Variants in CSNK1G2 observed in about 807,000 individuals in gnomAD.
CSNK1G2 encodes casein kinase I isoform gamma-2.
Under a neutral mutation model 48.0 loss-of-function variants are expected in CSNK1G2, and 11 were observed. That is an observed-to-expected ratio of 0.23 (90% CI 0.14 to 0.38). CSNK1G2 has a LOEUF of 0.38. Ranked by LOEUF, CSNK1G2 falls within the 10% of genes least tolerant of loss-of-function variation. The probability of loss-of-function intolerance (pLI) is 1.00; values close to 1 mark genes in which losing one functional copy is unlikely to be tolerated. For synonymous variants in CSNK1G2, 337 were observed against 254.1 expected (o/e 1.33, Z -3.10); for missense variants, 446 against 595.5 (o/e 0.75, Z 2.61).
chr19:1,979,432 GC>G, intron 8 of CSNK1G2, 29 bp downstream of exon 8: 1 of 1,466,516 alleles, frequency 6.8e-7, no homozygotes, highest in African/African-American at 1.6e-5. Flanking sequence ...CCCGCCCTGT[GC>G]CCCCCACCCC....
chr19:1,955,747 CGGA>C (rs2014972559), intron 1 of CSNK1G2, among the ~76,000 whole-genome samples: 1 of 152,136 alleles, frequency 6.6e-6, no homozygotes, highest in African/African-American at 2.4e-5. Context: ...CTGCTGTCAC[CGGA>C]GGAGGCTGCT....
At chr19:1,947,835 C>A (rs1205524886) in intron 1 of CSNK1G2, among the ~76,000 whole-genome samples, 1 of 152,210 alleles carries the variant, frequency 6.6e-6, no homozygotes, top group Non-Finnish European at 1.5e-5. Flanking sequence ...GTGGGGCTCG[C>A]TGCCTGAGCC....
intron 2 of CSNK1G2, chr19:1,975,053 C>G: frequency 1.0e-6 from 1 of 985,376 alleles, no homozygotes; most frequent in Non-Finnish European, 1.2e-6. Context: ...ACACCCAGGT[C>G]TCTGACACGC....
At chr19:1,949,457 G>A (rs2014685120) in intron 1 of CSNK1G2, among the ~76,000 whole-genome samples, 1 of 152,244 alleles carries the variant, frequency 6.6e-6, no homozygotes, top group Non-Finnish European at 1.5e-5. Flanking sequence ...GTGCATCCGC[G>A]CCATGGCCCG....
At chr19:1,979,681 C>T (rs1487309980) in intron 9 of CSNK1G2, 38 bp downstream of exon 9, 8 of 1,601,282 alleles carry the variant, frequency 5.0e-6, no homozygotes, top group East Asian at 2.2e-5. Flanking sequence ...AGCGGGGGAC[C>T]GGGAAACTGC....
chr19:1,961,678 G>A (rs1406667312), intron 1 of CSNK1G2, among the ~76,000 whole-genome samples: 7 of 152,222 alleles, frequency 4.6e-5, no homozygotes, highest in Non-Finnish European at 1.0e-4. Context: ...GGGGGACTAC[G>A]TCTCACAGAT....
intron 1 of CSNK1G2, among the ~76,000 whole-genome samples, chr19:1,942,092 G>C (rs2014388113): frequency 6.6e-6 from 1 of 152,172 alleles, no homozygotes; most frequent in Non-Finnish European, 1.5e-5. Context: ...CTGATCCGCA[G>C]GGACCTGTTG....
intron 1 of CSNK1G2, among the ~76,000 whole-genome samples, chr19:1,968,355 G>GCTCCTCC (rs1296546443): frequency 6.7e-6 from 1 of 149,928 alleles, no homozygotes. Flanking sequence ...TGCAGGTGGG[G>GCTCCTCC]CTCCTCCCTC....
chr19:1,959,831 C>G (rs12986158), intron 1 of CSNK1G2, among the ~76,000 whole-genome samples: 6 of 113,394 alleles, frequency 5.3e-5, no homozygotes, highest in Admixed American at 8.9e-5. Context: ...TAGTACCACC[C>G]TGAGTCCCCC....
In CSNK1G2 at chr19:1,979,453, A is replaced by ACCCC. The variant is rs771350553; in HGVS notation, c.854-40_854-37dup. 823 of 361,796 alleles carry ACCCC rather than the reference A, an allele frequency of 2.3e-3. 8 individuals are homozygous for ACCCC. The East Asian group carries it at 0.043, about 19-fold the overall frequency. 22.4% of individuals were successfully genotyped at this position (361,796 alleles called of 1,614,324 possible). ...CTGTGCCCCCCACCCCCCACCCCCC[A>ACCCC]CCCCCACCCCCGCCGAGGCCCCGCT... On this transcript the variant is annotated intron_variant, in intron 8 of 11. Coordinates refer to ENST00000255641, the MANE Select transcript of CSNK1G2 (RefSeq NM_001319.7).
Position 1,978,716 on chromosome 19 carries a change from C to G in CSNK1G2, c.413C>G (p.Thr138Arg). The stretch of plus-strand genomic sequence containing the variant: ...TTCGACCTGTGCGACCGGACCTTCA[C>G]GCTCAAGACGGTGCTGATGATCGCC... ...DLFDLCDRTF[T>R]LKTVLMIAIQ... The change falls in exon 5 of 12, where the codon ACG (threonine) becomes AGG (arginine). Residue 138 changes from threonine to arginine, a missense_variant. Transcript: ENST00000255641. The surrounding 1 kb of genome is among the most constrained non-coding windows in gnomAD (Gnocchi z 7.3). The G allele has an allele frequency of 1.9e-6, 3 of 1,599,848 alleles. No homozygotes were observed. The highest frequency in any genetic ancestry group is 2.6e-6 in the Non-Finnish European group (3 of 1,173,600).
At chr19:1,943,164 G>A (rs898185560) in intron 1 of CSNK1G2, among the ~76,000 whole-genome samples, 2 of 152,216 alleles carry the variant, frequency 1.3e-5, no homozygotes, top group African/African-American at 4.8e-5. Flanking sequence ...GATGTTGGAG[G>A]AGCTGGCTCT....
At chr19:1,954,375 G>A (rs543058010) in intron 1 of CSNK1G2, 159 of 193,176 alleles carry the variant, frequency 8.2e-4, no homozygotes, top group Non-Finnish European at 1.5e-3. Context: ...GGGGTGGCAG[G>A]GAACCGAGCC....
chr19:1,979,016 A>G lies in CSNK1G2; in HGVS notation c.605A>G (p.Lys202Arg). The G allele has an allele frequency of 6.3e-7, 1 of 1,598,300 alleles. No individual in the cohort carries two copies. ...AKEYIDPETK[K>R]HIPYREHKSL... is the part of the protein sequence containing the mutation. ...GAGTACATCGACCCCGAGACCAAGA[A>G]GCACATCCCGTACCGCGAGCACAAG... Residue 202 changes from lysine (K) to arginine (R), a missense_variant, in exon 6 of 12, where the codon AAG (lysine) becomes AGG (arginine). Lys to Arg is a conservative substitution (Grantham distance 26, BLOSUM62 2). This residue lies in a region of CSNK1G2 where 258 missense variants were observed against 415.9 expected (regional missense o/e 0.62). Coordinates refer to ENST00000255641, the MANE Select transcript of CSNK1G2 (RefSeq NM_001319.7).
At chr19:1,972,538 G>A (rs74332272) in intron 2 of CSNK1G2, among the ~76,000 whole-genome samples, 11,027 of 152,234 alleles carry the variant, frequency 0.072, 986 homozygotes, top group African/African-American at 0.21. Flanking sequence ...TTGGATCTCT[G>A]TGTTGGTACT....
intron 1 of CSNK1G2, among the ~76,000 whole-genome samples, chr19:1,955,132 C>A (rs72977691): frequency 0.13 from 20,113 of 152,150 alleles, 1,435 homozygotes; most frequent in South Asian, 0.19. Context: ...GGGTGCTGGG[C>A]CCTGACCGAG....
chr19:1,979,446 A>ACCCC, intron 8 of CSNK1G2, 43 bp downstream of exon 8: 3 of 392,264 alleles, frequency 7.6e-6, no homozygotes, highest in South Asian at 6.3e-5. Context: ...CCCACCCCCC[A>ACCCC]CCCCCCACCC....
At position 1,956,012 on chromosome 19, in the gene CSNK1G2, G is replaced by A. The variant is rs558315229; in HGVS notation, c.-265-13496G>A. Among the ~76,000 whole-genome samples the A allele has an allele frequency of 2.1e-4, 32 of 152,322 alleles. No individual in the cohort carries two copies. In the East Asian group the frequency reaches 4.8e-3, roughly 23 times the overall value. ...GCGGAGCAGGGTCGGCACACAGCCC[G>A]GGCTGGCCTTCACCCCAGCTCCCGA... On this transcript the variant is annotated intron_variant, in intron 1 of 11. Coordinates refer to ENST00000255641, the MANE Select transcript of CSNK1G2 (RefSeq NM_001319.7).
chr19:1,955,202 G>A (rs2014940937), intron 1 of CSNK1G2, among the ~76,000 whole-genome samples: 1 of 152,124 alleles, frequency 6.6e-6, no homozygotes, highest in African/African-American at 2.4e-5. Context: ...TTGGAGTGGC[G>A]GCTCTTGTTT....
Sources: allele counts gnomAD v4.1 joint callset (sites outside exome capture counted in the v4.1 genomes callset), GRCh38; gene constraint gnomAD v4.1.1; regional missense constraint gnomAD v4.1.1; non-coding constraint Gnocchi (gnomAD v3.1); transcripts MANE v1.5; gene names NCBI Gene and HGNC (gene_info 2026-07-23, HGNC 2026-07-21).